The following KANSL1L variants were observed in gnomAD, a reference collection of about 807,000 sequenced individuals.
The protein encoded by KANSL1L is KAT8 regulatory NSL complex subunit 1-like protein.
Under a neutral mutation model 108.6 loss-of-function variants are expected in KANSL1L, and 25 were observed. That is an observed-to-expected ratio of 0.23 (90% CI 0.17 to 0.32). The LOEUF (loss-of-function observed/expected upper bound fraction) is 0.32, where lower values mean the gene tolerates loss of function less well. Ranked by LOEUF, KANSL1L falls within the 10% of genes least tolerant of loss-of-function variation. The probability of loss-of-function intolerance (pLI) is 1.00; values close to 1 mark genes in which losing one functional copy is unlikely to be tolerated. For synonymous variants in KANSL1L, 405 were observed against 395.1 expected (o/e 1.03, Z -0.30); for missense variants, 1,137 against 1,125.7 (o/e 1.01, Z -0.14).
At chr2:210,042,728 G>A (rs1449061589) in intron 7 of KANSL1L, among the ~76,000 whole-genome samples, 1 of 152,084 alleles carries the variant, frequency 6.6e-6, no homozygotes, top group Non-Finnish European at 1.5e-5. Flanking sequence ...CATTATTATT[G>A]TTATATGGAT....
intron 8 of KANSL1L, among the ~76,000 whole-genome samples, chr2:210,034,550 G>T (rs891269444): frequency 5.9e-5 from 9 of 152,204 alleles, no homozygotes; most frequent in Non-Finnish European, 8.8e-5. Flanking sequence ...TTAAAGGGAT[G>T]GGGTGGGGAG....
chr2:210,127,279 A>AC (rs2095074969), intron 3 of KANSL1L, among the ~76,000 whole-genome samples: 1 of 152,184 alleles, frequency 6.6e-6, no homozygotes, highest in South Asian at 2.1e-4. Context: ...CTAACACCAC[A>AC]CACAAAAATT....
At chr2:210,141,492 T>C (rs533236191) in intron 2 of KANSL1L, among the ~76,000 whole-genome samples, 1 of 152,162 alleles carries the variant, frequency 6.6e-6, no homozygotes, top group South Asian at 2.1e-4. Flanking sequence ...AGAACAGAGG[T>C]AGAAGATGCC....
chr2:210,167,101 CAAACAA>C (rs1688031521), intron 1 of KANSL1L, among the ~76,000 whole-genome samples: 1 of 151,610 alleles, frequency 6.6e-6, no homozygotes, highest in African/African-American at 2.4e-5. Context: ...TCCAATTAAA[CAAACAA>C]AAAAAGAATG....
At chr2:210,157,522 T>C (rs1340826804) in intron 1 of KANSL1L, among the ~76,000 whole-genome samples, 8 of 144,884 alleles carry the variant, frequency 5.5e-5, no homozygotes, top group African/African-American at 1.8e-4. Flanking sequence ...TAAGGAGACT[T>C]CTCTACAAAT....
chr2:210,049,359 A>G (rs957310267), intron 6 of KANSL1L, among the ~76,000 whole-genome samples: 1 of 147,074 alleles, frequency 6.8e-6, no homozygotes, highest in African/African-American at 2.5e-5. Flanking sequence ...TTTTAACCAG[A>G]TGATTTATGT....
intron 1 of KANSL1L, among the ~76,000 whole-genome samples, chr2:210,156,398 G>C (rs1489263801): frequency 6.6e-6 from 1 of 151,750 alleles, no homozygotes; most frequent in Non-Finnish European, 1.5e-5. Context: ...TGTTCATAAT[G>C]GCAAAACATC....
intron 4 of KANSL1L, 147 bp from the exon 5 acceptor site, chr2:210,098,354 C>A: frequency 1.4e-6 from 1 of 689,664 alleles, no homozygotes; most frequent in Middle Eastern, 2.8e-4. Flanking sequence ...ACAATTTATA[C>A]AACTGATTTT....
rs187337144 is a variant in KANSL1L, at chr2:210,039,432, T to C, written c.2029+988A>G. On this transcript the variant is annotated intron_variant, in intron 8 of 14. Transcript: ENST00000281772. Reference sequence around the variant, plus strand: ...TTATTCCTTTACATAGGCTATCTAGTTACTATTGGTACTTATAAAAGCTGC... The same window carrying C: ...TTATTCCTTTACATAGGCTATCTAGCTACTATTGGTACTTATAAAAGCTGC... 1.2e-3 allele frequency among the ~76,000 whole-genome samples: 187 copies of C among 152,028 alleles called. 1 individual carries two copies. Among genetic ancestry groups the C allele is most frequent in the African/African-American group, 4.2e-3 (176 of 41,564 alleles).
chr2:210,141,162 CTGTTTT>C (rs1185452486), intron 2 of KANSL1L, among the ~76,000 whole-genome samples: 1 of 142,548 alleles, frequency 7.0e-6, no homozygotes, highest in East Asian at 2.1e-4. Context: ...CCACTCCTCT[CTGTTTT>C]CTTTCTTTTC....
intron 6 of KANSL1L, among the ~76,000 whole-genome samples, chr2:210,047,827 T>TG (rs2094241981): frequency 6.6e-6 from 1 of 152,134 alleles, no homozygotes; most frequent in Admixed American, 6.5e-5. Context: ...CTTTCTCTAG[T>TG]GGGGGTTCTC....
In KANSL1L at chr2:210,085,933, TTATA is replaced by T. The variant is rs2094633463; in HGVS notation, c.1551-10181_1551-10178del. On this transcript the variant is annotated intron_variant, in intron 5 of 14. Coordinates refer to ENST00000281772, the MANE Select transcript of KANSL1L (RefSeq NM_152519.4). ...GTAATTAAATATTTATTAATAATTA[TTATA>T]TATAATATTGTCATTCACAGGAATC... is the stretch of plus-strand genomic sequence containing the variant. 2.0e-5 allele frequency among the ~76,000 whole-genome samples: 3 copies of T among 149,992 alleles called. No individual in the cohort carries two copies. In the South Asian group the frequency reaches 6.2e-4, roughly 31 times the overall value.
intron 8 of KANSL1L, chr2:210,035,127 T>G (rs1050450743): frequency 6.6e-6 from 1 of 152,174 alleles, no homozygotes; most frequent in Non-Finnish European, 1.5e-5. Context: ...ATAATGTTAT[T>G]TACAGATAAT....
rs368591345 is a variant in KANSL1L, at chr2:210,070,420, TG to T, written c.1755+5131del. ...AATTTTTTGTATTTTTTAGTAGAGATGGGGTTTCACCATGTTAGCCAGGATG... is the reference window on the plus strand; with the variant it reads ...AATTTTTTGTATTTTTTAGTAGAGATGGGTTTCACCATGTTAGCCAGGATG... On this transcript the variant is annotated intron_variant, in intron 6 of 14. Transcript: ENST00000281772. Among the ~76,000 whole-genome samples the T allele has an allele frequency of 3.3e-4, 50 of 151,320 alleles. No homozygotes were observed. In the East Asian group the frequency reaches 9.0e-3, roughly 27 times the overall value.
chr2:210,052,914 A>G (rs1250851182), intron 6 of KANSL1L, among the ~76,000 whole-genome samples: 1 of 152,218 alleles, frequency 6.6e-6, no homozygotes, highest in Non-Finnish European at 1.5e-5. Flanking sequence ...CTATTTCCTC[A>G]ATAGGAGTCC....
intron 5 of KANSL1L, among the ~76,000 whole-genome samples, chr2:210,086,307 C>A (rs1030809241): frequency 1.3e-5 from 2 of 151,658 alleles, no homozygotes; most frequent in African/African-American, 2.4e-5. Context: ...AAGATAATAC[C>A]CCATGGGATA....
chr2:210,031,569 A>ATTAAG (rs751994659), intron 8 of KANSL1L, 23 bp from the exon 9 acceptor site: 6 of 1,452,516 alleles, frequency 4.1e-6, no homozygotes, highest in Non-Finnish European at 5.6e-6. Context: ...AAAAGGAAAT[A>ATTAAG]TTAAGTTTTA....
chr2:210,023,034 C>T lies in KANSL1L; in HGVS notation c.2879G>A (p.Gly960Asp), dbSNP rs1277140391. ...ATCTGACTGCTTTTTTGGATGGTGGCCATTCTCTGGTACACTGGTACCGAA... is the reference window on the plus strand; with the variant it reads ...ATCTGACTGCTTTTTTGGATGGTGGTCATTCTCTGGTACACTGGTACCGAA... The part of the protein sequence containing the change: ...EIFGTSVPEN[G>D]HHPKKQSDGM... Residue 960 changes from glycine to aspartate, a missense_variant, in exon 15 of 15, where the codon GGC becomes GAC. Around this residue, in one of 3 missense-constraint regions of KANSL1L, gnomAD observed 575 missense variants for 567.1 expected, o/e 1.01. Coordinates refer to ENST00000281772, the MANE Select transcript of KANSL1L (RefSeq NM_152519.4). 5.0e-6 allele frequency: 8 copies of T among 1,613,912 alleles called. No individual in the cohort carries two copies. Among genetic ancestry groups the T allele is most frequent in the African/African-American group, 1.3e-5 (1 of 74,980 alleles).
chr2:210,029,757 T>C (rs887619276), intron 10 of KANSL1L, 46 bp downstream of exon 10: 1 of 964,076 alleles, frequency 1.0e-6, no homozygotes. Context: ...ATCAGGTGTT[T>C]TTATTTTTAA....
Sources: allele counts gnomAD v4.1 joint callset (sites outside exome capture counted in the v4.1 genomes callset), GRCh38; gene constraint gnomAD v4.1.1; regional missense constraint gnomAD v4.1.1; transcripts MANE v1.5; gene names NCBI Gene and HGNC (gene_info 2026-07-23, HGNC 2026-07-21).